RCBTB2: variants seen among roughly 807,000 people sequenced by gnomAD.
RCBTB2 encodes RCC1 and BTB domain containing protein 2, also known as RCC1 and BTB domain-containing protein 2.
A neutral mutation model predicts 65.4 loss-of-function variants in RCBTB2; 55 were observed. That is an observed-to-expected ratio of 0.84 (90% CI 0.68 to 1.05). The LOEUF is 1.05. RCBTB2 is among the 50% of genes least tolerant of loss of function. The pLI is 0.00. For missense variants in RCBTB2, 599 were observed against 680.1 expected (o/e 0.88, Z 1.33); for synonymous variants, 220 against 255.2 (o/e 0.86, Z 1.31).
intron 14 of RCBTB2, 31 bp from the exon 15 acceptor site, chr13:48,490,282 A>G (rs1450961661): frequency 6.3e-7 from 1 of 1,590,840 alleles, no homozygotes; most frequent in East Asian, 2.2e-5. Context: ...GGTTTAATAA[A>G]TTCATATTTA....
chr13:48,496,804 A>G (rs1416828239), intron 13 of RCBTB2, among the ~76,000 whole-genome samples: 20 of 70,318 alleles, frequency 2.8e-4, no homozygotes, highest in Admixed American at 1.5e-3. Context: ...GGGAGGGGAG[A>G]GGAGGGGAGG....
chr13:48,526,826 G>T (rs978199422), intron 1 of RCBTB2, among the ~76,000 whole-genome samples: 7 of 151,948 alleles, frequency 4.6e-5, no homozygotes, highest in African/African-American at 1.7e-4. Flanking sequence ...TGAGGCAAGA[G>T]AATCACTTGA....
intron 1 of RCBTB2, among the ~76,000 whole-genome samples, chr13:48,529,217 T>C (rs1161341714): frequency 1.3e-5 from 2 of 152,220 alleles, no homozygotes; most frequent in Non-Finnish European, 2.9e-5. Flanking sequence ...AAATCCATTT[T>C]AAATCTCGGT....
chr13:48,503,358 T>C (rs1256791614), intron 10 of RCBTB2, among the ~76,000 whole-genome samples: 1 of 152,216 alleles, frequency 6.6e-6, no homozygotes, highest in East Asian at 1.9e-4. Flanking sequence ...AATATTTTAA[T>C]GAAGACTTCA....
rs187488750 is a variant in RCBTB2, at chr13:48,526,964, A to G, written c.-218-2207T>C. Among the ~76,000 whole-genome samples, 288 of 152,256 alleles carry G rather than the reference A, an allele frequency of 1.9e-3. 1 individual carries two copies. The highest frequency in any genetic ancestry group is 3.4e-3 in the Middle Eastern group (1 of 294). ...TTTTTTTTAAATAGGAGGATTAAAT[A>G]ACATATCCAATGAGTAGCATTTATA... is the stretch of plus-strand genomic sequence containing the variant. On this transcript the variant is annotated intron_variant, in intron 1 of 14. Coordinates refer to ENST00000344532, the MANE Select transcript of RCBTB2 (RefSeq NM_001268.4).
intron 10 of RCBTB2, among the ~76,000 whole-genome samples, chr13:48,503,185 C>A: frequency 6.6e-6 from 1 of 152,124 alleles, no homozygotes. Flanking sequence ...GCCAGTAGGC[C>A]TATAAAAATA....
At chr13:48,531,949 A>G (rs1389096963) in intron 1 of RCBTB2, 1 of 152,242 alleles carries the variant, frequency 6.6e-6, no homozygotes, top group Non-Finnish European at 1.5e-5. Flanking sequence ...GGAAGGTGCA[A>G]AGCCAGGAGG....
intron 13 of RCBTB2, among the ~76,000 whole-genome samples, chr13:48,498,082 C>T (rs899070078): frequency 2.0e-5 from 3 of 152,202 alleles, no homozygotes; most frequent in African/African-American, 7.2e-5. Flanking sequence ...TTAGACCCCA[C>T]CACCAATGTG....
intron 1 of RCBTB2, among the ~76,000 whole-genome samples, chr13:48,527,335 A>G (rs1263690958): frequency 7.8e-6 from 1 of 128,610 alleles, no homozygotes; most frequent in Admixed American, 7.2e-5. Flanking sequence ...ATATATATAT[A>G]TGATATATAT....
intron 10 of RCBTB2, among the ~76,000 whole-genome samples, chr13:48,507,386 G>A (rs1003578742): frequency 1.3e-5 from 2 of 152,214 alleles, no homozygotes; most frequent in Non-Finnish European, 2.9e-5. Flanking sequence ...AGCCAGACAT[G>A]CGACAGACAA....
intron 10 of RCBTB2, among the ~76,000 whole-genome samples, chr13:48,506,148 G>A (rs1950493314): frequency 6.6e-6 from 1 of 152,208 alleles, no homozygotes; most frequent in Admixed American, 6.5e-5. Context: ...GAGGTGGAGA[G>A]CAATGCAGGA....
chr13:48,524,997 T>A (rs1295498284), intron 1 of RCBTB2, among the ~76,000 whole-genome samples: 1 of 151,972 alleles, frequency 6.6e-6, no homozygotes, highest in Admixed American at 6.6e-5. Flanking sequence ...GTTTCAACAA[T>A]TTGGACACTG....
In RCBTB2 at chr13:48,510,677, T is replaced by C; in HGVS notation, c.878A>G (p.Asn293Ser). Residue 293 changes from asparagine to serine, a missense_variant, in exon 10 of 15, where the codon AAT becomes AGT. Physicochemically the swap from Asn to Ser is conservative, Grantham distance 46. Transcript: ENST00000344532. ...AGTAGGATAGGACTGGTTGCTTTTA[T>C]TGCCAGTGCCCAACTGCCCATAAGA... Reference protein sequence around the residue: ...ANSYGQLGTGNKSNQSYPTPV... With the variant: ...ANSYGQLGTGSKSNQSYPTPV... The C allele has an allele frequency of 6.2e-7, 1 of 1,614,240 alleles. No homozygotes were observed. The highest frequency in any genetic ancestry group is 8.5e-7 in the Non-Finnish European group (1 of 1,180,038).
Position 48,490,027 on chromosome 13 carries a change from C to T in RCBTB2, c.*84G>A, listed in dbSNP as rs1201266779. 5.6e-6 allele frequency: 8 copies of T among 1,431,768 alleles called. No homozygotes were observed. Among genetic ancestry groups the T allele is most frequent in the Non-Finnish European group, 7.9e-6 (8 of 1,017,618 alleles). The allele number at this position is 1,431,768 out of a possible 1,614,324, so 88.7% of individuals were successfully genotyped here. On this transcript the variant is annotated 3_prime_UTR_variant, in exon 15 of 15. Transcript: ENST00000344532. The stretch of plus-strand genomic sequence containing the variant: ...ACTCAGCCAAACATAGCTCATCATA[C>T]ATACTATTAATTAAAGAGAAGTGAT...
At chr13:48,499,111 A>AACACACACACACACACACACACAC (rs142443945) in intron 13 of RCBTB2, among the ~76,000 whole-genome samples, 39 of 105,900 alleles carry the variant, frequency 3.7e-4, no homozygotes, top group African/African-American at 1.5e-3. Context: ...CCCCCACCCC[A>AACACACACACACACACACACACAC]ACACACACAC....
rs71186310 is a variant in RCBTB2 at position 48,527,369 on chromosome 13, GAT to G, written c.-218-2614_-218-2613del. Among the ~76,000 whole-genome samples, 193 of 99,770 alleles carry G rather than the reference GAT, an allele frequency of 1.9e-3. 1 individual carries two copies. Among genetic ancestry groups the G allele is most frequent in the Middle Eastern group, 9.5e-3 (2 of 210 alleles). 65.5% of individuals were successfully genotyped at this position (99,770 alleles called of 152,430 possible). The stretch of plus-strand genomic sequence containing the variant: ...ATATATATGATATATATTTATATAT[GAT>G]ATATATATATGATATATATTTATAT... On this transcript the variant is annotated intron_variant, in intron 1 of 14. Coordinates refer to ENST00000344532, the MANE Select transcript of RCBTB2 (RefSeq NM_001268.4).
chr13:48,493,560 G>A (rs1053901506), intron 14 of RCBTB2, among the ~76,000 whole-genome samples: 4 of 151,512 alleles, frequency 2.6e-5, no homozygotes, highest in South Asian at 2.1e-4. Flanking sequence ...CACCTCCACC[G>A]CACCATCTCC....
rs890663574 is a variant in RCBTB2, at chr13:48,532,981, G to A, written c.-219+47C>T. ...GGTACCTGACAGCATCCCACGTCACGGCCGCGATCCCCCTCGGCCTCCCAC... is the reference window on the plus strand; with the variant it reads ...GGTACCTGACAGCATCCCACGTCACAGCCGCGATCCCCCTCGGCCTCCCAC... On this transcript the variant is annotated intron_variant, in intron 1 of 14. Coordinates refer to ENST00000344532, the MANE Select transcript of RCBTB2 (RefSeq NM_001268.4). 2.9e-5 allele frequency: 13 copies of A among 455,412 alleles called. No individual in the cohort carries two copies. In the Admixed American group the frequency reaches 3.1e-4, roughly 11 times the overall value. 28.2% of individuals were successfully genotyped at this position (455,412 alleles called of 1,614,324 possible). A position where few individuals can be genotyped will look rare whatever the true frequency, so the allele number is the denominator to read the frequency against.
chr13:48,490,272 G>T (rs200254911), intron 14 of RCBTB2, 21 bp from the exon 15 acceptor site: 15 of 1,598,568 alleles, frequency 9.4e-6, no homozygotes, highest in African/African-American at 1.3e-5. Flanking sequence ...CAACAAAGAT[G>T]GTTTAATAAA....
Sources: allele counts gnomAD v4.1 joint callset (sites outside exome capture counted in the v4.1 genomes callset), GRCh38; gene constraint gnomAD v4.1.1; transcripts MANE v1.5; gene names NCBI Gene and HGNC (gene_info 2026-07-23, HGNC 2026-07-21).